IFT88: variants seen among roughly 807,000 people sequenced by gnomAD.
IFT88 encodes intraflagellar transport 88, also known as intraflagellar transport protein 88 homolog.
A neutral mutation model predicts 119.5 loss-of-function variants in IFT88; 74 were observed. The ratio of observed to expected loss-of-function variants is 0.62; its 90% CI spans 0.51 to 0.75. The LOEUF is 0.75. Ranked by LOEUF, IFT88 falls within the 30% of genes least tolerant of loss-of-function variation. The pLI, the probability that IFT88 is intolerant of heterozygous loss-of-function variation, is 0.00. For missense variants in IFT88, 961 were observed against 977.7 expected, an observed-to-expected ratio of 0.98 and a Z score of 0.23; for synonymous variants, 279 against 316.7, an observed-to-expected ratio of 0.88 and a Z score of 1.26.
intron 14 of IFT88, among the ~76,000 whole-genome samples, chr13:20,625,516 TTTAC>T (rs1177762885): frequency 1.3e-5 from 2 of 152,184 alleles, no homozygotes; most frequent in Non-Finnish European, 2.9e-5. Context: ...CAGTCCAATT[TTTAC>T]TTAAAATGAT....
chr13:20,661,558 C>G (rs1475638843), intron 22 of IFT88, among the ~76,000 whole-genome samples: 1 of 151,946 alleles, frequency 6.6e-6, no homozygotes, highest in African/African-American at 2.4e-5. Flanking sequence ...CATGAGGAAA[C>G]CCTTGTCTCT....
intron 13 of IFT88, among the ~76,000 whole-genome samples, chr13:20,611,229 G>T (rs1351732027): frequency 6.6e-6 from 1 of 151,584 alleles, no homozygotes; most frequent in East Asian, 1.9e-4. Flanking sequence ...AAAACAAAAA[G>T]TCCAACAAGA....
intron 13 of IFT88, among the ~76,000 whole-genome samples, chr13:20,611,352 ACT>A (rs2044470378): frequency 3.3e-5 from 5 of 151,250 alleles, no homozygotes. Context: ...ACATGGCAAA[ACT>A]CTGTCTCTAC....
chr13:20,569,803 C>T (rs1469674207), intron 1 of IFT88, among the ~76,000 whole-genome samples: 5 of 151,676 alleles, frequency 3.3e-5, no homozygotes, highest in South Asian at 4.2e-4. Context: ...CCGAGGTGGG[C>T]GGATCACAAG....
intron 20 of IFT88, among the ~76,000 whole-genome samples, chr13:20,650,256 T>C (rs2140457327): frequency 6.6e-6 from 1 of 152,252 alleles, no homozygotes. Context: ...TTTAGCCACA[T>C]ATTAAAAGAA....
intron 24 of IFT88, among the ~76,000 whole-genome samples, chr13:20,684,503 G>A (rs1024223850): frequency 1.3e-5 from 2 of 152,142 alleles, no homozygotes; most frequent in Admixed American, 6.6e-5. Flanking sequence ...CTCCAAGGTG[G>A]AACAAACCAC....
intron 19 of IFT88, 30 bp from the exon 20 acceptor site, chr13:20,644,813 G>T: frequency 1.1e-6 from 1 of 925,876 alleles, no homozygotes; most frequent in South Asian, 1.5e-5. Context: ...CATTGAAGTT[G>T]TATTGTTACA....
At chr13:20,603,011 G>A (rs2042858678) in intron 12 of IFT88, among the ~76,000 whole-genome samples, 1 of 152,094 alleles carries the variant, frequency 6.6e-6, no homozygotes, top group Admixed American at 6.5e-5. Context: ...ATACAGCTAT[G>A]CACACTTATA....
Position 20,615,899 on chromosome 13 carries a change from A to T in IFT88, c.1199+20A>T. 7.1e-7 allele frequency: 1 copy of T among 1,402,050 alleles called. No homozygotes were observed. Among genetic ancestry groups the T allele is most frequent in the Non-Finnish European group, 9.9e-7 (1 of 1,013,050 alleles). 86.9% of individuals were successfully genotyped at this position (1,402,050 alleles called of 1,614,324 possible). Reference sequence around the variant, plus strand: ...TGATTGGTAAGAGAGAAAGTCTATAATACTGCATAGATGTGGTTTTTTTCA... The same window carrying T: ...TGATTGGTAAGAGAGAAAGTCTATATTACTGCATAGATGTGGTTTTTTTCA... On this transcript the variant is annotated intron_variant, in intron 14 of 25. Coordinates refer to ENST00000351808, the MANE Select transcript of IFT88 (RefSeq NM_006531.5).
chr13:20,659,893 C>T (rs573486332), intron 22 of IFT88, among the ~76,000 whole-genome samples: 2 of 152,302 alleles, frequency 1.3e-5, no homozygotes, highest in East Asian at 1.9e-4. Flanking sequence ...CTGCCCGCCT[C>T]AGCCTCCCAA....
At chr13:20,606,665 G>A (rs934158969) in intron 13 of IFT88, among the ~76,000 whole-genome samples, 1 of 152,172 alleles carries the variant, frequency 6.6e-6, no homozygotes, top group African/African-American at 2.4e-5. Context: ...GATAACCTGA[G>A]GTCAAAAGTT....
intron 21 of IFT88, among the ~76,000 whole-genome samples, chr13:20,654,474 TA>T (rs1194447259): frequency 1.3e-5 from 2 of 152,214 alleles, no homozygotes; most frequent in African/African-American, 2.4e-5. Context: ...GTGAAGTGAA[TA>T]ATATGCATAA....
intron 24 of IFT88, among the ~76,000 whole-genome samples, chr13:20,681,686 G>T (rs1445163049): frequency 2.0e-5 from 3 of 152,202 alleles, no homozygotes; most frequent in Non-Finnish European, 4.4e-5. Flanking sequence ...TTGTAATTGG[G>T]TAAATAAAGT....
At chr13:20,671,130 T>A (rs1394408384) in intron 24 of IFT88, 91 bp downstream of exon 24, 15 of 1,007,736 alleles carry the variant, frequency 1.5e-5, no homozygotes, top group Non-Finnish European at 2.1e-5. Context: ...TAAAGTGTTC[T>A]TATGTGTCTG....
intron 24 of IFT88, among the ~76,000 whole-genome samples, chr13:20,671,620 A>G (rs915211399): frequency 2.1e-4 from 32 of 152,236 alleles, no homozygotes; most frequent in Non-Finnish European, 4.4e-4. Flanking sequence ...TCATTACATA[A>G]TAAGACATTT....
intron 15 of IFT88, among the ~76,000 whole-genome samples, chr13:20,630,452 C>T (rs2048028470): frequency 6.6e-6 from 1 of 152,178 alleles, no homozygotes. Flanking sequence ...TTGTAAAGAT[C>T]AAATTTGATC....
intron 24 of IFT88, among the ~76,000 whole-genome samples, chr13:20,688,101 C>T (rs955041051): frequency 2.0e-5 from 3 of 152,106 alleles, no homozygotes; most frequent in South Asian, 4.1e-4. Flanking sequence ...TTTGGGAGGC[C>T]GAGGCAGGCG....
At chr13:20,661,151 G>A (rs574188192) in intron 22 of IFT88, among the ~76,000 whole-genome samples, 77 of 152,290 alleles carry the variant, frequency 5.1e-4, no homozygotes, top group African/African-American at 1.8e-3. Context: ...ACTGAAAAAT[G>A]TGCAAAGTGC....
At chr13:20,690,410 G>T (rs890004358) in intron 24 of IFT88, among the ~76,000 whole-genome samples, 4 of 152,032 alleles carry the variant, frequency 2.6e-5, no homozygotes, top group African/African-American at 9.7e-5. Context: ...TAAGAGTCAG[G>T]GTGATCTCTT....
Sources: gnomAD v4.1 joint callset for allele counts (sites outside exome capture counted in the v4.1 genomes callset) on GRCh38, gnomAD v4.1.1 for gene constraint, MANE v1.5 for transcripts, NCBI Gene and HGNC (gene_info 2026-07-23, HGNC 2026-07-21) for gene names.